The following LIG1 variants were observed in gnomAD, a reference collection of about 807,000 sequenced individuals.
The protein encoded by LIG1 is ligase I, DNA, ATP-dependent.
LIG1 carries 70 observed loss-of-function variants against 115.7 expected under a neutral mutation model. The observed-to-expected ratio is 0.60, with a 90% CI of 0.50 to 0.74. The LOEUF (loss-of-function observed/expected upper bound fraction) is 0.74, where lower values mean the gene tolerates loss of function less well. Among genes scored for constraint, LIG1 ranks in the 30% least tolerant of loss-of-function variants. The probability of loss-of-function intolerance (pLI) is 0.00; values close to 1 mark genes in which losing one functional copy is unlikely to be tolerated. For missense variants in LIG1, 1,115 were observed against 1,225.6 expected (o/e 0.91, Z 1.35); for synonymous variants, 487 against 495.3 (o/e 0.98, Z 0.22).
chr19:48,157,719 A>AT (rs1282956938), intron 4 of LIG1, among the ~76,000 whole-genome samples: 1 of 151,484 alleles, frequency 6.6e-6, no homozygotes, highest in Non-Finnish European at 1.5e-5. Context: ...TAATTTTTGT[A>AT]TTTTTTTTAT....
intron 19 of LIG1, among the ~76,000 whole-genome samples, chr19:48,129,748 A>G (rs1419480644): frequency 2.0e-5 from 3 of 152,020 alleles, no homozygotes; most frequent in Non-Finnish European, 2.9e-5. Context: ...ACACAAGGAA[A>G]TATTTGATTT....
At position 48,140,103 on chromosome 19, in the gene LIG1, C is replaced by T. The variant is rs750430578; in HGVS notation, c.955G>A (p.Val319Met). The change falls in exon 12 of 28, where the codon GTG becomes ATG. Residue 319 changes from valine to methionine, a missense_variant. Physicochemically the swap from Val to Met is conservative, Grantham distance 21 (BLOSUM62 1). Coordinates refer to ENST00000263274, the MANE Select transcript of LIG1 (RefSeq NM_000234.3). ...AGGTCTGGAGGCGACAGGGCCACCA[C>T]GGAGCGCAGCAAGTTGCTCAGCGTC... is the stretch of plus-strand genomic sequence containing the variant. ...VETLSNLLRS[V>M]VALSPPDLLP... is the part of the protein sequence containing the mutation. 8 of 1,613,426 alleles carry T rather than the reference C, an allele frequency of 5.0e-6. No homozygotes were observed. In the African/African-American group the frequency reaches 5.3e-5, roughly 11 times the overall value.
At position 48,133,089 on chromosome 19, in the gene LIG1, G is replaced by A; in HGVS notation, c.1618C>T (p.Leu540=). ...EHCKLSPGIP[L]KPMLAHPTRG... is the part of the protein sequence containing the mutation. ...GTGGGATGGGCCAACATTGGTTTCA[G>A]GGGAATCCCTGGGAAAGGAGGAGAG... The change falls in exon 18 of 28, where the codon CTG becomes TTG. Residue 540 remains leucine (L), a synonymous_variant. Coordinates refer to ENST00000263274, the MANE Select transcript of LIG1 (RefSeq NM_000234.3). 1 of 1,611,046 alleles carries A rather than the reference G, an allele frequency of 6.2e-7. No homozygotes were observed.
rs761314358 is a variant in LIG1, at chr19:48,121,114, C to T, written c.2385+56G>A. 1.4e-5 allele frequency: 22 copies of T among 1,613,344 alleles called. No individual in the cohort carries two copies. In the Middle Eastern group the frequency reaches 4.9e-4, roughly 36 times the overall value. ...TGGGTTGTGCAATAGGAAATACCCC[C>T]GGGAGTCTAATCTCCTTCCCTCCTG... is the stretch of plus-strand genomic sequence containing the variant. On this transcript the variant is annotated intron_variant, in intron 24 of 27. Coordinates refer to ENST00000263274, the MANE Select transcript of LIG1 (RefSeq NM_000234.3).
intron 21 of LIG1, 164 bp downstream of exon 21, chr19:48,127,113 A>T: frequency 1.5e-6 from 1 of 653,850 alleles, no homozygotes; most frequent in Non-Finnish European, 2.8e-6. Context: ...ATCTTAAGGA[A>T]CCTCAGGGGT....
intron 17 of LIG1, 89 bp downstream of exon 17, chr19:48,133,892 G>C: frequency 3.7e-6 from 4 of 1,073,278 alleles, no homozygotes; most frequent in Non-Finnish European, 4.2e-6. Flanking sequence ...TGCAAGTTCT[G>C]AGAGGGGCGC....
At chr19:48,139,750 T>C (rs3730950) in intron 12 of LIG1, among the ~76,000 whole-genome samples, 1,669 of 125,964 alleles carry the variant, frequency 0.013, 25 homozygotes, top group African/African-American at 0.049. Flanking sequence ...CCACACCCCC[T>C]GTCCCAGCAC....
intron 17 of LIG1, 50 bp downstream of exon 17, chr19:48,133,931 G>A: frequency 6.8e-7 from 1 of 1,478,728 alleles, no homozygotes; most frequent in Non-Finnish European, 9.3e-7. Context: ...CGCCGACTCA[G>A]GAGGGAGCAG....
intron 26 of LIG1, 48 bp from the exon 27 acceptor site, chr19:48,116,013 C>T: frequency 1.4e-6 from 2 of 1,388,158 alleles, no homozygotes; most frequent in Non-Finnish European, 2.0e-6. Flanking sequence ...CAGCGACCCC[C>T]TGCTCAGTCT....
intron 9 of LIG1, among the ~76,000 whole-genome samples, chr19:48,149,529 G>A (rs1034374755): frequency 2.6e-5 from 4 of 152,162 alleles, no homozygotes; most frequent in Non-Finnish European, 2.9e-5. Flanking sequence ...CTGGGGCCAC[G>A]GTCAGCAAAC....
intron 9 of LIG1, among the ~76,000 whole-genome samples, chr19:48,146,285 C>T (rs1191780108): frequency 6.6e-6 from 1 of 152,168 alleles, no homozygotes; most frequent in East Asian, 1.9e-4. Flanking sequence ...AGGCAGATCA[C>T]TGAGGTCGGG....
At position 48,149,760 on chromosome 19, in the gene LIG1, C is replaced by A; in HGVS notation, c.776+3G>T. 6.2e-7 allele frequency: 1 copy of A among 1,612,806 alleles called. No individual in the cohort carries two copies. The highest frequency in any genetic ancestry group is 1.7e-4 in the Middle Eastern group (1 of 6,058). On this transcript the variant is annotated splice_donor_region_variant and intron_variant, in intron 9 of 27. Coordinates refer to ENST00000263274, the MANE Select transcript of LIG1 (RefSeq NM_000234.3). ...ACCTTTCCAGACCTGGACACTGACTCACCCCTCAGCAGCTCCCTCCTTTCC... is the reference window on the plus strand; with the variant it reads ...ACCTTTCCAGACCTGGACACTGACTAACCCCTCAGCAGCTCCCTCCTTTCC...
At chr19:48,120,994 C>T (rs962018389) in intron 24 of LIG1, 176 bp downstream of exon 24, 2 of 1,486,364 alleles carry the variant, frequency 1.3e-6, no homozygotes, top group Non-Finnish European at 1.8e-6. Flanking sequence ...GCCTGTTTTT[C>T]TATATGAAGC....
intron 25 of LIG1, 77 bp downstream of exon 25, chr19:48,119,060 G>A: frequency 8.3e-7 from 1 of 1,201,964 alleles, no homozygotes; most frequent in Non-Finnish European, 1.2e-6. Context: ...GAAGCCAAGA[G>A]CCCTGCATGG....
At chr19:48,151,090 T>G in intron 7 of LIG1, 142 bp downstream of exon 7, 2 of 591,558 alleles carry the variant, frequency 3.4e-6, no homozygotes, top group South Asian at 2.4e-5. Flanking sequence ...ACCCGAGTAA[T>G]AAAAACTATT....
intron 19 of LIG1, 34 bp from the exon 20 acceptor site, chr19:48,128,054 AGAGGTGGAAGAT>A (rs747487918): frequency 1.3e-6 from 2 of 1,534,028 alleles, no homozygotes; most frequent in South Asian, 1.1e-5. Flanking sequence ...AGGGCCTGAG[AGAGGTGGAAGAT>A]GAGGTGGAAA....
chr19:48,139,925 G>A (rs747060540), intron 12 of LIG1, 46 bp downstream of exon 12: 1 of 1,603,692 alleles, frequency 6.2e-7, no homozygotes, highest in Non-Finnish European at 8.5e-7. Context: ...ATTTTCTCTG[G>A]CTGAGCTCCT....
intron 7 of LIG1, among the ~76,000 whole-genome samples, chr19:48,150,458 C>T (rs557864341): frequency 1.3e-5 from 2 of 152,168 alleles, no homozygotes; most frequent in African/African-American, 4.8e-5. Flanking sequence ...GAAATCTCAT[C>T]GTCATGAGAA....
chr19:48,133,856 T>G, intron 17 of LIG1, 125 bp downstream of exon 17: 102 of 736,200 alleles, frequency 1.4e-4, no homozygotes, highest in East Asian at 2.6e-4. Context: ...GGGAGGAGCA[T>G]TTGGTTTTGG....
Sources: allele counts gnomAD v4.1 joint callset (sites outside exome capture counted in the v4.1 genomes callset), GRCh38; gene constraint gnomAD v4.1.1; transcripts MANE v1.5; gene names NCBI Gene and HGNC (gene_info 2026-07-23, HGNC 2026-07-21).